The following CTRC variants were observed in gnomAD, a reference collection of about 807,000 sequenced individuals.
The protein encoded by CTRC is chymotrypsin C, also known as chymotrypsin-C.
In CTRC, 32 loss-of-function variants were observed where a neutral mutation model predicts 35.7. The observed-to-expected ratio is 0.90, with a 90% CI of 0.68 to 1.20. CTRC has a LOEUF of 1.20. CTRC is among the 50% of genes most tolerant of loss of function. The pLI is 0.00. For synonymous variants in CTRC, 119 were observed against 149.5 expected (o/e 0.80, Z 1.49); for missense variants, 324 against 361.5 (o/e 0.90, Z 0.84).
chr1:15,440,671 C>A lies in CTRC; in HGVS notation c.230+81C>A, dbSNP rs1174314827. 3 of 1,276,806 alleles carry A rather than the reference C, an allele frequency of 2.3e-6. No individual in the cohort carries two copies. The African/African-American group carries it at 4.4e-5, about 19-fold the overall frequency. The allele number at this position is 1,276,806 out of a possible 1,614,324, so 79.1% of individuals were successfully genotyped here. ...ACTCTGCTTTTTCTGAGCAGCTTCT[C>A]CGCACTCCAGGCACTGGGCTACATA... On this transcript the variant is annotated intron_variant, in intron 3 of 7. Coordinates refer to ENST00000375949, the MANE Select transcript of CTRC (RefSeq NM_007272.3).
At chr1:15,438,547 G>T in intron 1 of CTRC, 43 bp downstream of exon 1, 1 of 1,612,038 alleles carries the variant, frequency 6.2e-7, no homozygotes, top group South Asian at 1.1e-5. Flanking sequence ...CTGTGAGCTC[G>T]GGCTGGCCTC....
chr1:15,441,319 T>C (rs1708128867), intron 3 of CTRC, among the ~76,000 whole-genome samples: 1 of 151,522 alleles, frequency 6.6e-6, no homozygotes, highest in Non-Finnish European at 1.5e-5. Flanking sequence ...TAAAAGGGGG[T>C]TATTTGGGCA....
Position 15,447,622 on chromosome 1 carries a change from AG to A in CTRC, c.*1037del, listed in dbSNP as rs1708240943. The A allele has an allele frequency of 6.6e-6, 1 of 152,456 alleles. No individual in the cohort carries two copies. Among genetic ancestry groups the A allele is most frequent in the Admixed American group, 6.5e-5 (1 of 15,288 alleles). The allele number at this position is 152,456 out of a possible 1,614,324, so 9.4% of individuals were successfully genotyped here. A position where few individuals can be genotyped will look rare whatever the true frequency, so the allele number is the denominator to read the frequency against. ...GCCAGGGGGATCAGACCCTGATGATAGGGGCCTCTGGCCTGGCCTGCTCCTG... is the reference window on the plus strand; with the variant it reads ...GCCAGGGGGATCAGACCCTGATGATAGGGCCTCTGGCCTGGCCTGCTCCTG... On this transcript the variant is annotated 3_prime_UTR_variant, in exon 8 of 8. Coordinates refer to ENST00000375949, the MANE Select transcript of CTRC (RefSeq NM_007272.3).
In CTRC at chr1:15,446,785, C is replaced by A; in HGVS notation, c.*196C>A. On this transcript the variant is annotated 3_prime_UTR_variant, in exon 8 of 8. Transcript: ENST00000375949. ...ACCCTGCATTAGACAGGTGGGGAAA[C>A]AGAGGCCGGGAGAGAGGGCCAAGGA... 2 of 708,212 alleles carry A rather than the reference C, an allele frequency of 2.8e-6. No individual in the cohort carries two copies. Among genetic ancestry groups the A allele is most frequent in the South Asian group, 1.5e-5 (1 of 65,574 alleles). The allele number at this position is 708,212 out of a possible 1,614,324, so 43.9% of individuals were successfully genotyped here.
rs757768802 is a variant in CTRC, at chr1:15,446,649, G to A, written c.*60G>A. 9 of 1,593,270 alleles carry A rather than the reference G, an allele frequency of 5.6e-6. No individual in the cohort carries two copies. The highest frequency in any genetic ancestry group is 3.3e-5 in the Admixed American group (2 of 59,978). ...AACAGCAATAAACTTCCTTCTCCTC[G>A]GGCCACCTGGATCCTTGATTTGTGC... On this transcript the variant is annotated 3_prime_UTR_variant, in exon 8 of 8. Transcript: ENST00000375949.
rs760962602 is a variant in CTRC at position 15,445,676 on chromosome 1, G to A, written c.719G>A (p.Arg240Gln). ...TTTGGCATCGTCAGCTTTGGCTCCC[G>A]GCGGGGCTGCAACACCCGCAAGAAG... ...EVFGIVSFGS[R>Q]RGCNTRKKPV... Residue 240 changes from arginine to glutamine, a missense_variant, in exon 7 of 8, where the codon CGG becomes CAG. Physicochemically the swap from Arg to Gln is conservative, Grantham distance 43. Transcript: ENST00000375949. 24 of 1,614,018 alleles carry A rather than the reference G, an allele frequency of 1.5e-5. No individual in the cohort carries two copies. The highest frequency in any genetic ancestry group is 5.0e-5 in the Admixed American group (3 of 60,000).
At position 15,448,029 on chromosome 1, in the gene CTRC, T is replaced by C. The variant is rs1025643882; in HGVS notation, c.*1440T>C. 7 of 152,182 alleles carry C rather than the reference T, an allele frequency of 4.6e-5. No homozygotes were observed. The highest frequency in any genetic ancestry group is 8.8e-5 in the Non-Finnish European group (6 of 68,036). The allele number at this position is 152,182 out of a possible 1,614,324, so 9.4% of individuals were successfully genotyped here. On this transcript the variant is annotated 3_prime_UTR_variant, in exon 8 of 8. Transcript: ENST00000375949. ...ACAGGACACCTGAAGCAGTGTCAGT[T>C]GGCGGGAGGAATCCAGGATGGCTTC...
chr1:15,441,532 G>A (rs1184158726), intron 3 of CTRC, among the ~76,000 whole-genome samples: 7 of 152,104 alleles, frequency 4.6e-5, no homozygotes, highest in Non-Finnish European at 7.4e-5. Flanking sequence ...TCAGTATCAG[G>A]ACCTTGGCTT....
intron 2 of CTRC, 32 bp downstream of exon 2, chr1:15,440,423 A>T: frequency 6.2e-7 from 1 of 1,612,378 alleles, no homozygotes; most frequent in Non-Finnish European, 8.5e-7. Context: ...AGGTACAGAT[A>T]GAGAGGGTGG....
chr1:15,438,581 TG>T (rs893416463), intron 1 of CTRC, 77 bp downstream of exon 1: 13 of 1,517,690 alleles, frequency 8.6e-6, no homozygotes, highest in African/African-American at 1.4e-5. Flanking sequence ...GGATGGGGAG[TG>T]GGGGGGCCTC....
chr1:15,442,070 G>A (rs1708142348), intron 3 of CTRC, among the ~76,000 whole-genome samples: 1 of 152,124 alleles, frequency 6.6e-6, no homozygotes, highest in African/African-American at 2.4e-5. Context: ...ACACTGCTGG[G>A]TTCAGAATAG....
In CTRC at chr1:15,447,234, T is replaced by C; in HGVS notation, c.*645T>C. ...GAGAAGTGTTTAGTGAGCCAGCCCCTGTGTCCAGTCCTGTGCTGGGCATGA... is the reference window on the plus strand; with the variant it reads ...GAGAAGTGTTTAGTGAGCCAGCCCCCGTGTCCAGTCCTGTGCTGGGCATGA... On this transcript the variant is annotated 3_prime_UTR_variant, in exon 8 of 8. Coordinates refer to ENST00000375949, the MANE Select transcript of CTRC (RefSeq NM_007272.3). The C allele has an allele frequency of 5.6e-6, 1 of 178,112 alleles. No individual in the cohort carries two copies. The allele number at this position is 178,112 out of a possible 1,614,324, so 11.0% of individuals were successfully genotyped here.
intron 4 of CTRC, 128 bp from the exon 5 acceptor site, chr1:15,443,291 T>C: frequency 9.7e-7 from 1 of 1,029,274 alleles, no homozygotes; most frequent in Non-Finnish European, 1.5e-6. Flanking sequence ...AAGCTGGCAG[T>C]CAGGATGTTT....
intron 3 of CTRC, among the ~76,000 whole-genome samples, chr1:15,441,987 C>A (rs1708139755): frequency 6.6e-6 from 1 of 152,086 alleles, no homozygotes; most frequent in Admixed American, 6.6e-5. Context: ...AGCAATCCCC[C>A]CGTCTCGGCT....
rs761389344 is a variant in CTRC, at chr1:15,446,969, C to G, written c.*380C>G. ...CAGGTGAGACCCTGATGAAATCACTCGCTTCTCCGATCCTACCTCCACCGA... is the reference window on the plus strand; with the variant it reads ...CAGGTGAGACCCTGATGAAATCACTGGCTTCTCCGATCCTACCTCCACCGA... On this transcript the variant is annotated 3_prime_UTR_variant, in exon 8 of 8. Transcript: ENST00000375949. 2.7e-6 allele frequency: 1 copy of G among 365,842 alleles called. No homozygotes were observed. Among genetic ancestry groups the G allele is most frequent in the Non-Finnish European group, 5.3e-6 (1 of 189,362 alleles). The allele number at this position is 365,842 out of a possible 1,614,324, so 22.7% of individuals were successfully genotyped here.
At position 15,445,585 on chromosome 1, in the gene CTRC, G is replaced by A. The variant is rs183053579; in HGVS notation, c.640-12G>A. The A allele has an allele frequency of 4.0e-4, 642 of 1,613,514 alleles. 4 individuals are homozygous for A. The African/African-American group carries it at 6.9e-3, about 17-fold the overall frequency. The stretch of plus-strand genomic sequence containing the variant: ...GGGGCCTGGTGGCTTATGCCCTCCC[G>A]GTCTGGTGCAGGGGGACTCCGGTGG... On this transcript the variant is annotated splice_polypyrimidine_tract_variant and intron_variant, in intron 6 of 7. Coordinates refer to ENST00000375949, the MANE Select transcript of CTRC (RefSeq NM_007272.3).
intron 6 of CTRC, 89 bp downstream of exon 6, chr1:15,444,840 C>G: frequency 6.4e-7 from 1 of 1,563,538 alleles, no homozygotes; most frequent in Non-Finnish European, 8.8e-7. Flanking sequence ...AACCCTTCTC[C>G]TGGGAGGAGA....
At position 15,438,511 on chromosome 1, in the gene CTRC, G is replaced by A. The variant is rs369827801; in HGVS notation, c.40+7G>A. 5.6e-6 allele frequency: 9 copies of A among 1,613,800 alleles called. No individual in the cohort carries two copies. Among genetic ancestry groups the A allele is most frequent in the African/African-American group, 2.7e-5 (2 of 74,872 alleles). ...GCTGCGCTCTTGGCCTGTGGTAAGC[G>A]GTGGGGTGGGGCTGCAGCTAGCAGG... is the stretch of plus-strand genomic sequence containing the variant. On this transcript the variant is annotated splice_region_variant and intron_variant, in intron 1 of 7. Coordinates refer to ENST00000375949, the MANE Select transcript of CTRC (RefSeq NM_007272.3).
rs1330980660 is a variant in CTRC at position 15,448,182 on chromosome 1, T to TTTA, written c.*1595_*1596insATT. The stretch of plus-strand genomic sequence containing the variant: ...CACCTATCCTCTTCTTTTTTTTTTT[T>TTTA]TTTTTTTTGAGACGGAGTCTTGCTC... On this transcript the variant is annotated 3_prime_UTR_variant, in exon 8 of 8. Coordinates refer to ENST00000375949, the MANE Select transcript of CTRC (RefSeq NM_007272.3). 1.3e-5 allele frequency: 2 copies of TTTA among 149,482 alleles called. No homozygotes were observed. The highest frequency in any genetic ancestry group is 5.0e-5 in the African/African-American group (2 of 40,368). 9.3% of individuals were successfully genotyped at this position (149,482 alleles called of 1,614,324 possible). A position where few individuals can be genotyped will look rare whatever the true frequency, so the allele number is the denominator to read the frequency against.
Sources: allele counts gnomAD v4.1 joint callset (sites outside exome capture counted in the v4.1 genomes callset), GRCh38; gene constraint gnomAD v4.1.1; transcripts MANE v1.5; gene names NCBI Gene and HGNC (gene_info 2026-07-23, HGNC 2026-07-21).